The following CSNK1G2 variants were observed in gnomAD, a reference collection of about 807,000 sequenced individuals.
CSNK1G2 encodes casein kinase I isoform gamma-2.
Under a neutral mutation model 48.0 loss-of-function variants are expected in CSNK1G2, and 11 were observed. The observed-to-expected ratio is 0.23, with a 90% CI of 0.14 to 0.38. CSNK1G2 has a LOEUF of 0.38. Ranked by LOEUF, CSNK1G2 falls within the 10% of genes least tolerant of loss-of-function variation. The probability of loss-of-function intolerance (pLI) is 1.00; values close to 1 mark genes in which losing one functional copy is unlikely to be tolerated. For synonymous variants in CSNK1G2, 337 were observed against 254.1 expected, an observed-to-expected ratio of 1.33 and a Z score of -3.10; for missense variants, 446 against 595.5, an observed-to-expected ratio of 0.75 and a Z score of 2.61.
intron 2 of CSNK1G2, chr19:1,975,124 C>T (rs1488443616): frequency 1.0e-6 from 1 of 985,378 alleles, no homozygotes; most frequent in Non-Finnish European, 1.2e-6. Flanking sequence ...AGTAGAAGAG[C>T]CGGGAAGGAC....
chr19:1,974,872 G>A (rs1368031408), intron 2 of CSNK1G2: 6 of 158,290 alleles, frequency 3.8e-5, no homozygotes, highest in Admixed American at 2.6e-4. Context: ...GGAACCTCCT[G>A]AGCCTCTCTG....
intron 1 of CSNK1G2, among the ~76,000 whole-genome samples, chr19:1,946,322 T>G (rs2014561298): frequency 6.7e-6 from 1 of 149,822 alleles, no homozygotes; most frequent in South Asian, 2.1e-4. Flanking sequence ...GATGGAGTCT[T>G]GCACTGTTGC....
At chr19:1,962,979 C>T (rs1336808777) in intron 1 of CSNK1G2, among the ~76,000 whole-genome samples, 1 of 151,968 alleles carries the variant, frequency 6.6e-6, no homozygotes, top group African/African-American at 2.4e-5. Flanking sequence ...CACTGGAACA[C>T]AACCCAGCCA....
intron 2 of CSNK1G2, among the ~76,000 whole-genome samples, chr19:1,976,889 A>C (rs544182541): frequency 6.6e-6 from 1 of 152,114 alleles, no homozygotes; most frequent in East Asian, 1.9e-4. Flanking sequence ...ACAGGCATGC[A>C]TCACCATGCC....
In CSNK1G2 at chr19:1,948,042, C is replaced by T. The variant is rs374035120; in HGVS notation, c.-266+6624C>T. Among the ~76,000 whole-genome samples the T allele has an allele frequency of 9.2e-5, 14 of 152,284 alleles. No individual in the cohort carries two copies. The East Asian group carries it at 2.3e-3, about 25-fold the overall frequency. ...TCTGAAAGCTTCGTGGGCCGGGACC[C>T]GGGATGAGCTGGTTAAACCCTGGCC... On this transcript the variant is annotated intron_variant, in intron 1 of 11. Transcript: ENST00000255641.
chr19:1,972,296 A>G (rs1245897821), intron 2 of CSNK1G2, among the ~76,000 whole-genome samples: 1 of 152,164 alleles, frequency 6.6e-6, no homozygotes, highest in Non-Finnish European at 1.5e-5. Flanking sequence ...ATAGAACTGA[A>G]TAGCACTGGG....
At chr19:1,959,499 C>T (rs1048246080) in intron 1 of CSNK1G2, among the ~76,000 whole-genome samples, 3 of 148,058 alleles carry the variant, frequency 2.0e-5, no homozygotes, top group Non-Finnish European at 4.5e-5. Context: ...GCTCGGCCCC[C>T]AGCACCCGCC....
rs1037188197 is a variant in CSNK1G2, at chr19:1,978,606, C to T, written c.303C>T (p.Gly101=). 2.5e-6 allele frequency: 4 copies of T among 1,594,996 alleles called. No individual in the cohort carries two copies. Among genetic ancestry groups the T allele is most frequent in the Non-Finnish European group, 3.4e-6 (4 of 1,171,466 alleles). Residue 101 remains glycine (G), a synonymous_variant, in exon 5 of 12, where the codon GGC becomes GGT. Transcript: ENST00000255641. The surrounding 1 kb of genome is among the most constrained non-coding windows in gnomAD (Gnocchi z 7.3). ...RFYKQLSATE[G]VPQVYYFGPC... The stretch of plus-strand genomic sequence containing the variant: ...TGCGTCTGTCCTCCGCCGCAGAGGG[C>T]GTCCCTCAGGTCTACTACTTCGGTC...
At chr19:1,947,661 C>T (rs558302128) in intron 1 of CSNK1G2, among the ~76,000 whole-genome samples, 10 of 152,328 alleles carry the variant, frequency 6.6e-5, no homozygotes, top group African/African-American at 2.4e-4. Flanking sequence ...TCCAGCTGGG[C>T]CCTGGCCACG....
chr19:1,979,749 C>T lies in CSNK1G2; in HGVS notation c.1003-3C>T, dbSNP rs775790189. 13 of 1,605,692 alleles carry T rather than the reference C, an allele frequency of 8.1e-6. No homozygotes were observed. The highest frequency in any genetic ancestry group is 2.2e-5 in the East Asian group (1 of 44,810). On this transcript the variant is annotated splice_region_variant and splice_polypyrimidine_tract_variant and intron_variant, in intron 9 of 11. Transcript: ENST00000255641. ...ATCCTGACCCCTGCTCCCTCACCCA[C>T]AGCCGACCCCCATCGGCACCGTCCA... is the stretch of plus-strand genomic sequence containing the variant.
At chr19:1,964,003 G>A (rs369005525) in intron 1 of CSNK1G2, among the ~76,000 whole-genome samples, 10 of 152,010 alleles carry the variant, frequency 6.6e-5, no homozygotes, top group East Asian at 5.8e-4. Context: ...TTTTAGTAGA[G>A]ACAGGGTTTC....
intron 1 of CSNK1G2, among the ~76,000 whole-genome samples, chr19:1,959,673 G>A (rs80053915): frequency 2.5e-5 from 3 of 119,804 alleles, no homozygotes; most frequent in African/African-American, 8.9e-5. Context: ...CACCTTTAGT[G>A]CCACCGTGGG....
At chr19:1,973,673 C>T (rs1188778385) in intron 2 of CSNK1G2, among the ~76,000 whole-genome samples, 2 of 152,192 alleles carry the variant, frequency 1.3e-5, no homozygotes, top group East Asian at 1.9e-4. Context: ...TTTCTGCAGC[C>T]TCCAACCCCA....
intron 1 of CSNK1G2, among the ~76,000 whole-genome samples, chr19:1,942,250 C>A (rs1385434393): frequency 6.6e-6 from 1 of 152,218 alleles, no homozygotes; most frequent in Admixed American, 6.5e-5. Flanking sequence ...GATCCCCGAT[C>A]CCCGCCTGGC....
chr19:1,968,604 A>G (rs2015459143), intron 1 of CSNK1G2, among the ~76,000 whole-genome samples: 1 of 152,192 alleles, frequency 6.6e-6, no homozygotes, highest in Admixed American at 6.5e-5. Flanking sequence ...AAGGTGGTGC[A>G]GACTCAGCGA....
At chr19:1,949,062 A>T (rs1001113765) in intron 1 of CSNK1G2, among the ~76,000 whole-genome samples, 1 of 152,234 alleles carries the variant, frequency 6.6e-6, no homozygotes, top group African/African-American at 2.4e-5. Context: ...GGAAGGAGCC[A>T]GGAGAGGCTG....
Position 1,946,289 on chromosome 19 carries a change from T to TATTTATTATTTATTTA in CSNK1G2, c.-266+4871_-266+4872insATTTATTATTTATTTA, listed in dbSNP as rs56098852. ...TCGTTTATTTATTTATTTATTTATTTTTTATTTATTTATTTTTTTTAAGAT... is the reference window on the plus strand; with the variant it reads ...TCGTTTATTTATTTATTTATTTATTTATTTATTATTTATTTATTTATTTATTTATTTTTTTTAAGAT... On this transcript the variant is annotated intron_variant, in intron 1 of 11. Coordinates refer to ENST00000255641, the MANE Select transcript of CSNK1G2 (RefSeq NM_001319.7). 4.7e-3 allele frequency among the ~76,000 whole-genome samples: 673 copies of TATTTATTATTTATTTA among 143,826 alleles called. 5 individuals carry two copies. Among genetic ancestry groups the TATTTATTATTTATTTA allele is most frequent in the Middle Eastern group, 0.022 (6 of 272 alleles). 94.4% of individuals were successfully genotyped at this position (143,826 alleles called of 152,430 possible). A position where few individuals can be genotyped will look rare whatever the true frequency, so the allele number is the denominator to read the frequency against.
rs1366182899 is a variant in CSNK1G2 at position 1,978,811 on chromosome 19, G to A, written c.448-48G>A. ...GAAGAGGGTGGCCCTGGAGGGGAGC[G>A]CGTGGGACGGGGAGGGGCCCGGCCG... On this transcript the variant is annotated intron_variant, in intron 5 of 11. Transcript: ENST00000255641. This position sits in a 1 kb window ranked among gnomAD's most constrained non-coding sequence, Gnocchi z 7.3. The A allele has an allele frequency of 3.1e-6, 5 of 1,587,848 alleles. No homozygotes were observed. The East Asian group carries it at 6.8e-5, about 22-fold the overall frequency.
intron 2 of CSNK1G2, chr19:1,975,720 G>A: frequency 9.1e-6 from 9 of 985,372 alleles, no homozygotes; most frequent in Non-Finnish European, 1.1e-5. Flanking sequence ...TTCAAACCTG[G>A]GGCAGTGTCC....
Sources: gnomAD v4.1 joint callset for allele counts (sites outside exome capture counted in the v4.1 genomes callset) on GRCh38, gnomAD v4.1.1 for gene constraint, Gnocchi (gnomAD v3.1) non-coding constraint, MANE v1.5 for transcripts, NCBI Gene and HGNC (gene_info 2026-07-23, HGNC 2026-07-21) for gene names.